EGFLAM: variants seen among roughly 807,000 people sequenced by gnomAD.
The protein encoded by EGFLAM is pikachurin.
In EGFLAM, 79 loss-of-function variants were observed where a neutral mutation model predicts 113.1. The observed-to-expected ratio is 0.70, with a 90% CI of 0.58 to 0.84. The LOEUF is 0.84. EGFLAM is among the 40% of genes least tolerant of loss of function. EGFLAM has a pLI of 0.00. For synonymous variants in EGFLAM, 504 were observed against 487.6 expected (o/e 1.03, Z -0.44); for missense variants, 1,265 against 1,291.6 (o/e 0.98, Z 0.32).
intron 17 of EGFLAM, among the ~76,000 whole-genome samples, chr5:38,444,921 G>C (rs1347699721): frequency 1.3e-5 from 2 of 152,158 alleles, no homozygotes; most frequent in African/African-American, 4.8e-5. Flanking sequence ...CTCCAGCCTG[G>C]GCAACAGAGC....
intron 6 of EGFLAM, among the ~76,000 whole-genome samples, chr5:38,395,233 C>A (rs1308409557): frequency 6.8e-6 from 1 of 146,880 alleles, no homozygotes; most frequent in Admixed American, 6.8e-5. Flanking sequence ...AGCCACCATG[C>A]CTAGCCTTTT....
chr5:38,345,807 G>A (rs1739459605), intron 3 of EGFLAM: 1 of 152,220 alleles, frequency 6.6e-6, no homozygotes, highest in Non-Finnish European at 1.5e-5. Context: ...GCCCTAGTTT[G>A]ATGCCAGGCT....
At position 38,435,273 on chromosome 5, in the gene EGFLAM, A is replaced by G. The variant is rs771776734; in HGVS notation, c.2283+20A>G. 1 of 1,572,198 alleles carries G rather than the reference A, an allele frequency of 6.4e-7. No individual in the cohort carries two copies. Among genetic ancestry groups the G allele is most frequent in the East Asian group, 2.2e-5 (1 of 44,664 alleles). On this transcript the variant is annotated intron_variant, in intron 16 of 21. Coordinates refer to ENST00000322350, the MANE Select transcript of EGFLAM (RefSeq NM_152403.4). ...CAGAAGGTACAGGCATCTCTTCCTC[A>G]TGTTTACTGGGCCACCCAGACTGTA...
At chr5:38,346,738 TCCTTGAGGAAAG>T (rs1460014947) in intron 3 of EGFLAM, among the ~76,000 whole-genome samples, 1 of 152,178 alleles carries the variant, frequency 6.6e-6, no homozygotes, top group Admixed American at 6.5e-5. Flanking sequence ...TGTTTCTGCT[TCCTTGAGGAAAG>T]CCTGGAGTGT....
At chr5:38,386,707 G>A (rs146222431) in intron 6 of EGFLAM, among the ~76,000 whole-genome samples, 5,608 of 152,142 alleles carry the variant, frequency 0.037, 128 homozygotes, top group Middle Eastern at 0.051. Flanking sequence ...GGGTTTCACC[G>A]TGTTGGCCAG....
chr5:38,292,643 T>C (rs1010914224), intron 1 of EGFLAM, among the ~76,000 whole-genome samples: 1 of 152,186 alleles, frequency 6.6e-6, no homozygotes, highest in Non-Finnish European at 1.5e-5. Context: ...CCTGTACACA[T>C]AGAGGCAATT....
intron 20 of EGFLAM, among the ~76,000 whole-genome samples, chr5:38,461,943 A>G (rs1341417144): frequency 6.6e-6 from 1 of 152,034 alleles, no homozygotes; most frequent in Non-Finnish European, 1.5e-5. Flanking sequence ...AGGAGGGCGG[A>G]TCACTAGGTC....
intron 6 of EGFLAM, among the ~76,000 whole-genome samples, chr5:38,391,066 C>T (rs1010099022): frequency 4.0e-5 from 6 of 151,798 alleles, no homozygotes; most frequent in African/African-American, 1.5e-4. Flanking sequence ...CTTCTTTTTT[C>T]CAAGGTCATT....
chr5:38,385,198 A>G (rs1451383214), intron 6 of EGFLAM, among the ~76,000 whole-genome samples: 2 of 151,362 alleles, frequency 1.3e-5, no homozygotes, highest in South Asian at 4.2e-4. Context: ...TGCAATTTAC[A>G]TTGCAACCTA....
At chr5:38,263,965 G>A (rs2561094) in intron 1 of EGFLAM, among the ~76,000 whole-genome samples, 1,563 of 152,232 alleles carry the variant, frequency 0.01, 35 homozygotes, top group African/African-American at 0.036. Flanking sequence ...GTGCCATTAA[G>A]ACCTCCTCAT....
At chr5:38,325,635 A>C (rs887512151) in intron 1 of EGFLAM, among the ~76,000 whole-genome samples, 7 of 152,254 alleles carry the variant, frequency 4.6e-5, no homozygotes, top group Admixed American at 3.3e-4. Flanking sequence ...TTAAAGAAAT[A>C]CAAAATACTC....
chr5:38,293,744 C>T (rs1378923738), intron 1 of EGFLAM, among the ~76,000 whole-genome samples: 2 of 152,064 alleles, frequency 1.3e-5, no homozygotes, highest in Admixed American at 6.6e-5. Flanking sequence ...ATTCATATAG[C>T]GTATGTGATT....
intron 19 of EGFLAM, among the ~76,000 whole-genome samples, chr5:38,454,352 TC>T (rs1561104370): frequency 6.8e-6 from 1 of 147,838 alleles, no homozygotes; most frequent in Non-Finnish European, 1.5e-5. Flanking sequence ...ACATGCCTGA[TC>T]CCCCACGTGG....
At chr5:38,333,268 G>A (rs1739091696) in intron 1 of EGFLAM, among the ~76,000 whole-genome samples, 1 of 152,160 alleles carries the variant, frequency 6.6e-6, no homozygotes, top group Admixed American at 6.6e-5. Context: ...ACATTCACAT[G>A]CATGTGTCTT....
chr5:38,445,675 G>A, intron 17 of EGFLAM: 1 of 1,598,496 alleles, frequency 6.3e-7, no homozygotes, highest in Non-Finnish European at 8.5e-7. Context: ...CTGGCACCGG[G>A]CAGAGTGTGG....
Position 38,406,194 on chromosome 5 carries a change from G to T in EGFLAM, c.781G>T (p.Asp261Tyr), listed in dbSNP as rs267600618. ...YITDMGAGED[D>Y]EGFEDDLDLD... is the part of the protein sequence containing the mutation. ...CACCGACATGGGAGCTGGTGAGGATGATGAAGGATTTGAAGACGACTTAGA... is the reference window on the plus strand; with the variant it reads ...CACCGACATGGGAGCTGGTGAGGATTATGAAGGATTTGAAGACGACTTAGA... Residue 261 changes from aspartate (D) to tyrosine (Y), a missense_variant, in exon 7 of 22, where the codon GAT becomes TAT. By Grantham distance (160) the Asp-to-Tyr change is radical. Transcript: ENST00000322350. 2 of 1,614,200 alleles carry T rather than the reference G, an allele frequency of 1.2e-6. No homozygotes were observed. The highest frequency in any genetic ancestry group is 1.7e-6 in the Non-Finnish European group (2 of 1,180,024).
At chr5:38,421,027 G>A (rs1019596157) in intron 12 of EGFLAM, among the ~76,000 whole-genome samples, 2 of 152,292 alleles carry the variant, frequency 1.3e-5, no homozygotes, top group Non-Finnish European at 2.9e-5. Flanking sequence ...CATGTTTGCT[G>A]TCCTTTGGGT....
intron 5 of EGFLAM, among the ~76,000 whole-genome samples, chr5:38,355,569 G>A (rs937208594): frequency 6.6e-6 from 1 of 152,162 alleles, no homozygotes; most frequent in African/African-American, 2.4e-5. Flanking sequence ...ATAGTGTATG[G>A]TTAGGAGGAT....
At chr5:38,382,509 G>T (rs1457683016) in intron 6 of EGFLAM, among the ~76,000 whole-genome samples, 1 of 152,108 alleles carries the variant, frequency 6.6e-6, no homozygotes, top group East Asian at 1.9e-4. Context: ...GAAGCAGAGT[G>T]GGCCAGCACC....
Sources: gnomAD v4.1 joint callset for allele counts (sites outside exome capture counted in the v4.1 genomes callset) on GRCh38, gnomAD v4.1.1 for gene constraint, MANE v1.5 for transcripts, NCBI Gene and HGNC (gene_info 2026-07-23, HGNC 2026-07-21) for gene names.